NTNG2: variants seen among roughly 807,000 people sequenced by gnomAD.
NTNG2 encodes netrin-G2.
Under a neutral mutation model 47.6 loss-of-function variants are expected in NTNG2, and 15 were observed. The observed-to-expected ratio is 0.32, with a 90% CI of 0.21 to 0.49. The LOEUF (loss-of-function observed/expected upper bound fraction) is 0.49, where lower values mean the gene tolerates loss of function less well. NTNG2 is among the 20% of genes least tolerant of loss of function. The pLI is 0.99. For missense variants in NTNG2, 578 were observed against 764.6 expected, an observed-to-expected ratio of 0.76 and a Z score of 2.88; for synonymous variants, 307 against 324.6, an observed-to-expected ratio of 0.95 and a Z score of 0.58.
intron 3 of NTNG2, among the ~76,000 whole-genome samples, chr9:132,202,554 G>A (rs774179124): frequency 1.3e-5 from 2 of 152,232 alleles, no homozygotes; most frequent in Non-Finnish European, 2.9e-5. Context: ...TTCCACACAT[G>A]GGGAAACTCA....
chr9:132,230,033 C>T (rs971260292), intron 4 of NTNG2, among the ~76,000 whole-genome samples: 3 of 152,232 alleles, frequency 2.0e-5, no homozygotes, highest in Non-Finnish European at 4.4e-5. Context: ...AGGAAGTTCC[C>T]TCATAGGGTT....
intron 3 of NTNG2, among the ~76,000 whole-genome samples, chr9:132,220,095 T>C (rs1270032032): frequency 2.0e-5 from 3 of 152,248 alleles, no homozygotes; most frequent in African/African-American, 7.2e-5. Flanking sequence ...GGCTGTAATG[T>C]TGAACATGTT....
chr9:132,201,678 A>T (rs563517515), intron 3 of NTNG2, among the ~76,000 whole-genome samples: 1 of 152,356 alleles, frequency 6.6e-6, no homozygotes, highest in South Asian at 2.1e-4. Context: ...GCTGTGGCCC[A>T]CTAACAAGAA....
intron 3 of NTNG2, among the ~76,000 whole-genome samples, chr9:132,214,731 A>G (rs1839847493): frequency 6.6e-6 from 1 of 152,210 alleles, no homozygotes; most frequent in Non-Finnish European, 1.5e-5. Context: ...GGCCTGCCAG[A>G]TGAAATACGG....
rs1839306151 is a variant in NTNG2, at chr9:132,208,088, A to G, written c.857+9479A>G. On this transcript the variant is annotated intron_variant, in intron 3 of 7. Coordinates refer to ENST00000393229, the MANE Select transcript of NTNG2 (RefSeq NM_032536.4). The surrounding 1 kb of genome is among the most constrained non-coding windows in gnomAD (Gnocchi z 4.0). ...TACTGCACTCCAGCCTGGGCAACAG[A>G]GCGAGACCCTATCTCAAAACCCAGG... 6.6e-6 allele frequency among the ~76,000 whole-genome samples: 1 copy of G among 152,096 alleles called. No homozygotes were observed. The highest frequency in any genetic ancestry group is 1.5e-5 in the Non-Finnish European group (1 of 68,024).
In NTNG2 at chr9:132,198,278, G is replaced by A. The variant is rs531966081; in HGVS notation, c.526G>A (p.Gly176Ser). ...FYAEDCMEAF[G>S]MSARRARDMS... ...CGCCGAGGACTGCATGGAGGCCTTC[G>A]GTATGTCCGCCCGCCGGGCCCGCGA... The change falls in exon 3 of 8, where the codon GGT becomes AGT. Residue 176 changes from glycine to serine, a missense_variant. Coordinates refer to ENST00000393229, the MANE Select transcript of NTNG2 (RefSeq NM_032536.4). The A allele has an allele frequency of 2.0e-5, 32 of 1,611,596 alleles. No homozygotes were observed. The South Asian group carries it at 3.1e-4, about 15-fold the overall frequency.
intron 5 of NTNG2, among the ~76,000 whole-genome samples, chr9:132,237,762 A>G (rs1021687839): frequency 6.6e-6 from 1 of 152,212 alleles, no homozygotes; most frequent in African/African-American, 2.4e-5. Flanking sequence ...CAGCAGGCAG[A>G]GCAGATGCCA....
chr9:132,207,450 G>A (rs1293623051), intron 3 of NTNG2, among the ~76,000 whole-genome samples: 2 of 152,222 alleles, frequency 1.3e-5, no homozygotes, highest in African/African-American at 4.8e-5. Flanking sequence ...TCTTGCGGCT[G>A]TCCGCTCCCT....
At position 132,199,926 on chromosome 9, in the gene NTNG2, A is replaced by G. The variant is rs373303354; in HGVS notation, c.857+1317A>G. 5.3e-5 allele frequency among the ~76,000 whole-genome samples: 8 copies of G among 152,190 alleles called. No homozygotes were observed. In the East Asian group the frequency reaches 1.5e-3, roughly 29 times the overall value. ...GAGATGAAAGCAGCCTTTACCTCCC[A>G]AAAACTGTTTAGACTGTGGATGATT... On this transcript the variant is annotated intron_variant, in intron 3 of 7. Coordinates refer to ENST00000393229, the MANE Select transcript of NTNG2 (RefSeq NM_032536.4).
Position 132,240,991 on chromosome 9 carries a change from G to A in NTNG2, c.1304G>A (p.Gly435Asp). Residue 435 changes from glycine to aspartate, a missense_variant, in exon 7 of 8, where the codon GGC (glycine) becomes GAC (aspartate). Physicochemically the swap from Gly to Asp is moderately conservative, Grantham distance 94. Transcript: ENST00000393229. ...TGCGAGTGCCGCGAGGGCGCGGCGG[G>A]CCCCAAGTGCGACGACTGCCTCCCC... ...GFCECREGAA[G>D]PKCDDCLPTH... 6.2e-7 allele frequency: 1 copy of A among 1,610,510 alleles called. No individual in the cohort carries two copies. Among genetic ancestry groups the A allele is most frequent in the Non-Finnish European group, 8.5e-7 (1 of 1,179,518 alleles).
At chr9:132,189,550 G>A (rs977809368) in intron 2 of NTNG2, among the ~76,000 whole-genome samples, 5 of 152,158 alleles carry the variant, frequency 3.3e-5, no homozygotes, top group African/African-American at 7.2e-5. Context: ...CCTCTCGAAT[G>A]AGCCTCATGT....
intron 3 of NTNG2, among the ~76,000 whole-genome samples, chr9:132,209,733 G>C (rs1367203151): frequency 1.3e-5 from 2 of 152,064 alleles, no homozygotes; most frequent in Non-Finnish European, 2.9e-5. Flanking sequence ...GTGAAATAGG[G>C]GTAAAAAAGA....
At chr9:132,227,774 A>AC (rs1840892159) in intron 4 of NTNG2, among the ~76,000 whole-genome samples, 1 of 152,090 alleles carries the variant, frequency 6.6e-6, no homozygotes, top group Non-Finnish European at 1.5e-5. Context: ...CCTTCTGAGG[A>AC]CCACCCACCC....
At chr9:132,188,003 G>T (rs944123241) in intron 2 of NTNG2, among the ~76,000 whole-genome samples, 1 of 152,266 alleles carries the variant, frequency 6.6e-6, no homozygotes, top group Non-Finnish European at 1.5e-5. Flanking sequence ...GCAGTCCCCT[G>T]AGTCCTAATT....
intron 3 of NTNG2, among the ~76,000 whole-genome samples, chr9:132,200,557 A>G (rs955655076): frequency 2.6e-5 from 4 of 152,270 alleles, no homozygotes; most frequent in Non-Finnish European, 5.9e-5. Flanking sequence ...TTTGCCAGCC[A>G]TGTGCTGTGG....
intron 7 of NTNG2, among the ~76,000 whole-genome samples, 187 bp downstream of exon 7, chr9:132,241,231 ACGGGGCAGGGC>A (rs1179676893): frequency 6.9e-6 from 1 of 144,344 alleles, no homozygotes; most frequent in Non-Finnish European, 1.5e-5. Flanking sequence ...GCCTCGCGAG[ACGGGGCAGGGC>A]CGGGGCAGTG....
intron 3 of NTNG2, among the ~76,000 whole-genome samples, chr9:132,207,493 C>T (rs777103560): frequency 6.6e-6 from 1 of 152,236 alleles, no homozygotes; most frequent in Non-Finnish European, 1.5e-5. Flanking sequence ...CTCCCCGTGT[C>T]TCTTCCTACA....
intron 2 of NTNG2, among the ~76,000 whole-genome samples, chr9:132,167,308 G>A (rs1277132992): frequency 3.9e-5 from 6 of 152,262 alleles, no homozygotes; most frequent in African/African-American, 1.4e-4. Context: ...CACTAGTTCA[G>A]TTCCCTCGGG....
chr9:132,217,106 C>G (rs1840045026), intron 3 of NTNG2, among the ~76,000 whole-genome samples: 1 of 152,252 alleles, frequency 6.6e-6, no homozygotes, highest in African/African-American at 2.4e-5. Flanking sequence ...ACCCACAGCC[C>G]TGGCCCTTGA....
Sources: allele counts gnomAD v4.1 joint callset (sites outside exome capture counted in the v4.1 genomes callset), GRCh38; gene constraint gnomAD v4.1.1; non-coding constraint Gnocchi (gnomAD v3.1); transcripts MANE v1.5; gene names NCBI Gene and HGNC (gene_info 2026-07-23, HGNC 2026-07-21).